Variants in RNF169 observed in about 807,000 individuals in gnomAD.
The protein encoded by RNF169 is E3 ubiquitin-protein ligase RNF169.
Under a neutral mutation model 53.9 loss-of-function variants are expected in RNF169, and 24 were observed. That is an observed-to-expected ratio of 0.45 (90% CI 0.32 to 0.63). The LOEUF (loss-of-function observed/expected upper bound fraction) is 0.63. Ranked by LOEUF, RNF169 falls within the 20% of genes least tolerant of loss-of-function variation. The pLI, the probability that RNF169 is intolerant of heterozygous loss-of-function variation, is 0.04. For missense variants in RNF169, 883 were observed against 906.2 expected, an observed-to-expected ratio of 0.97 and a Z score of 0.33; for synonymous variants, 396 against 363.5, an observed-to-expected ratio of 1.09 and a Z score of -1.02.
intron 1 of RNF169, among the ~76,000 whole-genome samples, chr11:74,787,453 A>T (rs1349652485): frequency 6.6e-6 from 1 of 152,242 alleles, no homozygotes; most frequent in Non-Finnish European, 1.5e-5. Context: ...GCAAAATTTC[A>T]TCTGTTAGAT....
chr11:74,822,774 A>T (rs1385067623), intron 4 of RNF169, among the ~76,000 whole-genome samples: 1 of 152,160 alleles, frequency 6.6e-6, no homozygotes, highest in African/African-American at 2.4e-5. Context: ...CTGACAGATA[A>T]TGGGTTTCTA....
chr11:74,808,904 T>C (rs1347503917), intron 2 of RNF169, among the ~76,000 whole-genome samples: 1 of 152,244 alleles, frequency 6.6e-6, no homozygotes, highest in Non-Finnish European at 1.5e-5. Flanking sequence ...CTGTTTGGAT[T>C]GGGCAGAGTT....
chr11:74,756,454 A>G (rs1236697682), intron 1 of RNF169, among the ~76,000 whole-genome samples: 1 of 152,242 alleles, frequency 6.6e-6, no homozygotes, highest in Non-Finnish European at 1.5e-5. Flanking sequence ...TAGTAATAGT[A>G]TTAAAATCAT....
intron 1 of RNF169, among the ~76,000 whole-genome samples, chr11:74,772,314 C>T (rs567300977): frequency 1.3e-5 from 2 of 152,282 alleles, no homozygotes; most frequent in Admixed American, 1.3e-4. Context: ...GCTTAATTAA[C>T]GTCCTTGAGA....
intron 2 of RNF169, among the ~76,000 whole-genome samples, chr11:74,808,532 C>T (rs1023334834): frequency 1.3e-5 from 2 of 152,190 alleles, no homozygotes; most frequent in African/African-American, 4.8e-5. Context: ...TGAGATAGAC[C>T]TTGATTTGCA....
intron 1 of RNF169, among the ~76,000 whole-genome samples, chr11:74,756,854 C>T (rs543494913): frequency 6.6e-6 from 1 of 152,190 alleles, no homozygotes; most frequent in Non-Finnish European, 1.5e-5. Flanking sequence ...AAGAGGAATT[C>T]ATCTTTGAAC....
chr11:74,789,014 G>A (rs931275203), intron 1 of RNF169, among the ~76,000 whole-genome samples: 5 of 152,210 alleles, frequency 3.3e-5, no homozygotes, highest in Admixed American at 3.3e-4. Flanking sequence ...GTAACCTTGG[G>A]CTAAGTCATT....
intron 2 of RNF169, among the ~76,000 whole-genome samples, chr11:74,807,177 T>A (rs2035817828): frequency 6.6e-6 from 1 of 152,190 alleles, no homozygotes; most frequent in Non-Finnish European, 1.5e-5. Context: ...GCTTTTCTGT[T>A]GTCTCTGCTG....
intron 2 of RNF169, among the ~76,000 whole-genome samples, chr11:74,799,661 T>TA (rs1201130415): frequency 6.6e-6 from 1 of 152,160 alleles, no homozygotes; most frequent in East Asian, 1.9e-4. Context: ...CAGAAGCTGT[T>TA]ACAACTGTTG....
chr11:74,797,623 C>T (rs1260053376), intron 2 of RNF169, among the ~76,000 whole-genome samples: 1 of 152,204 alleles, frequency 6.6e-6, no homozygotes, highest in African/African-American at 2.4e-5. Context: ...AGCCCCTTCT[C>T]TTATTAGAAA....
chr11:74,799,086 G>GTT (rs66563289), intron 2 of RNF169, among the ~76,000 whole-genome samples: 15,675 of 140,718 alleles, frequency 0.11, 1,166 homozygotes, highest in Middle Eastern at 0.16. Flanking sequence ...ATTTCCAGTG[G>GTT]TTTTTTTTTT....
chr11:74,769,049 C>G (rs1190342168), intron 1 of RNF169, among the ~76,000 whole-genome samples: 5 of 151,878 alleles, frequency 3.3e-5, no homozygotes, highest in African/African-American at 1.2e-4. Context: ...CAAAACAAAA[C>G]AAACACACCA....
intron 1 of RNF169, among the ~76,000 whole-genome samples, chr11:74,767,768 G>T (rs1047635794): frequency 1.6e-4 from 25 of 151,652 alleles, no homozygotes; most frequent in Non-Finnish European, 3.7e-4. Context: ...TAGTAGAGAC[G>T]GGGTTTCACC....
At chr11:74,824,791 G>C (rs1161512193) in intron 4 of RNF169, among the ~76,000 whole-genome samples, 5 of 152,184 alleles carry the variant, frequency 3.3e-5, no homozygotes, top group African/African-American at 1.2e-4. Context: ...TATCAGCAAT[G>C]TGCAATAAAG....
At chr11:74,770,589 A>G (rs557799940) in intron 1 of RNF169, among the ~76,000 whole-genome samples, 4 of 152,298 alleles carry the variant, frequency 2.6e-5, no homozygotes, top group Admixed American at 2.0e-4. Context: ...TCCTCCATGA[A>G]TAATGTACAT....
intron 1 of RNF169, among the ~76,000 whole-genome samples, chr11:74,769,839 A>G (rs913565737): frequency 6.6e-6 from 1 of 152,204 alleles, no homozygotes; most frequent in Non-Finnish European, 1.5e-5. Flanking sequence ...TCTGACATCC[A>G]GGCTGGAGTT....
In RNF169 at chr11:74,774,230, C is replaced by T. The variant is rs368105678; in HGVS notation, c.503-15396C>T. Among the ~76,000 whole-genome samples the T allele has an allele frequency of 3.5e-3, 534 of 151,516 alleles. 4 individuals carry two copies. The highest frequency in any genetic ancestry group is 0.012 in the African/African-American group (496 of 41,280). ...GCATGGTGGCACATGCCTGTAATCC[C>T]GGCTGCTCAGGAGGCTGAGGCAGCA... On this transcript the variant is annotated intron_variant, in intron 1 of 5. Transcript: ENST00000299563.
chr11:74,814,407 G>C (rs1261017998), intron 3 of RNF169, among the ~76,000 whole-genome samples: 1 of 140,916 alleles, frequency 7.1e-6, no homozygotes, highest in African/African-American at 2.7e-5. Context: ...TTTGAGACAG[G>C]GTCTCACTGT....
intron 1 of RNF169, among the ~76,000 whole-genome samples, chr11:74,770,980 T>A (rs1160135418): frequency 6.6e-6 from 1 of 152,044 alleles, no homozygotes; most frequent in African/African-American, 2.4e-5. Flanking sequence ...TAATTTTTTT[T>A]ATTTTTAGTA....
Sources: allele counts gnomAD v4.1 joint callset (sites outside exome capture counted in the v4.1 genomes callset), GRCh38; gene constraint gnomAD v4.1.1; transcripts MANE v1.5; gene names NCBI Gene and HGNC (gene_info 2026-07-23, HGNC 2026-07-21).